ANKRD6: variants seen among roughly 807,000 people sequenced by gnomAD.
ANKRD6 encodes ankyrin repeat domain 6.
Under a neutral mutation model 82.3 loss-of-function variants are expected in ANKRD6, and 56 were observed. The ratio of observed to expected loss-of-function variants is 0.68; its 90% CI spans 0.55 to 0.85. The LOEUF (loss-of-function observed/expected upper bound fraction) is 0.85. Among genes scored for constraint, ANKRD6 ranks in the 40% least tolerant of loss-of-function variants. ANKRD6 has a pLI of 0.00. For missense variants in ANKRD6, 852 were observed against 907.6 expected (o/e 0.94, Z 0.79); for synonymous variants, 347 against 352.1 (o/e 0.99, Z 0.16).
intron 14 of ANKRD6, 129 bp downstream of exon 14, chr6:89,627,825 ATTTT>A: frequency 2.9e-6 from 2 of 680,466 alleles, no homozygotes; most frequent in Non-Finnish European, 4.9e-6. Context: ...ATAGTGTATC[ATTTT>A]TATGATACTG....
At chr6:89,625,242 C>T (rs943281676) in intron 13 of ANKRD6, among the ~76,000 whole-genome samples, 3 of 151,668 alleles carry the variant, frequency 2.0e-5, no homozygotes, top group African/African-American at 7.3e-5. Flanking sequence ...GAGATCATTC[C>T]AGTGCACTCC....
At chr6:89,455,211 A>C (rs915342165) in intron 1 of ANKRD6, among the ~76,000 whole-genome samples, 3 of 150,298 alleles carry the variant, frequency 2.0e-5, no homozygotes, top group African/African-American at 7.4e-5. Flanking sequence ...TTGCATTGCT[A>C]TACAGAAATA....
chr6:89,437,844 AGTGCAGTG>A (rs1770845268), intron 1 of ANKRD6, among the ~76,000 whole-genome samples: 1 of 152,158 alleles, frequency 6.6e-6, no homozygotes, highest in South Asian at 2.1e-4. Context: ...CCCAGGCTAG[AGTGCAGTG>A]GTGCAATTTC....
intron 13 of ANKRD6, among the ~76,000 whole-genome samples, chr6:89,626,349 C>T (rs1805675196): frequency 6.6e-6 from 1 of 152,184 alleles, no homozygotes; most frequent in South Asian, 2.1e-4. Context: ...TTCCAAATCA[C>T]CAAGAAAGGA....
At chr6:89,629,299 C>T in intron 15 of ANKRD6, 61 bp downstream of exon 15, 1 of 1,605,682 alleles carries the variant, frequency 6.2e-7, no homozygotes, top group Non-Finnish European at 8.5e-7. Flanking sequence ...CTCTTGTACT[C>T]TCCTGCACTG....
chr6:89,571,432 C>T (rs1000522450), intron 2 of ANKRD6, among the ~76,000 whole-genome samples: 1 of 152,010 alleles, frequency 6.6e-6, no homozygotes, highest in Admixed American at 6.6e-5. Context: ...TGCTTGTTTG[C>T]CATTTGTGTA....
At chr6:89,622,438 C>G (rs1803792072) in intron 10 of ANKRD6, among the ~76,000 whole-genome samples, 1 of 152,190 alleles carries the variant, frequency 6.6e-6, no homozygotes, top group Non-Finnish European at 1.5e-5. Context: ...ACCTCAAACC[C>G]ACAGGATCAG....
chr6:89,498,535 T>TA (rs1554221398), intron 1 of ANKRD6, among the ~76,000 whole-genome samples: 13 of 151,972 alleles, frequency 8.6e-5, no homozygotes, highest in African/African-American at 3.1e-4. Flanking sequence ...TATTTTTTTT[T>TA]ACCTTGTTTA....
intron 1 of ANKRD6, among the ~76,000 whole-genome samples, chr6:89,442,217 A>C (rs548041315): frequency 9.2e-5 from 14 of 151,958 alleles, no homozygotes; most frequent in Non-Finnish European, 1.5e-4. Context: ...GCTGGTCTCG[A>C]ACTCCTGGGC....
intron 3 of ANKRD6, among the ~76,000 whole-genome samples, chr6:89,596,643 T>C (rs1456994500): frequency 2.6e-5 from 4 of 152,142 alleles, no homozygotes; most frequent in African/African-American, 9.7e-5. Context: ...TCAGGTTATC[T>C]AGAGATGGAC....
intron 11 of ANKRD6, 75 bp downstream of exon 11, chr6:89,623,619 C>G: frequency 6.6e-7 from 1 of 1,513,780 alleles, no homozygotes. Flanking sequence ...GAGCGTCATG[C>G]CCATCAGCTA....
At chr6:89,619,428 G>C (rs1277860601) in intron 9 of ANKRD6, among the ~76,000 whole-genome samples, 1 of 152,114 alleles carries the variant, frequency 6.6e-6, no homozygotes, top group Admixed American at 6.5e-5. Flanking sequence ...AGGGTTGGAG[G>C]GTTCCCCAGG....
At chr6:89,486,365 A>G (rs574686201) in intron 1 of ANKRD6, among the ~76,000 whole-genome samples, 4 of 152,260 alleles carry the variant, frequency 2.6e-5, no homozygotes, top group Non-Finnish European at 1.5e-5. Flanking sequence ...AAATATATAT[A>G]CCATCTAGGT....
intron 1 of ANKRD6, among the ~76,000 whole-genome samples, chr6:89,540,553 A>T (rs1784336336): frequency 1.3e-5 from 2 of 152,150 alleles, no homozygotes; most frequent in Non-Finnish European, 2.9e-5. Flanking sequence ...TAGTTTGCAA[A>T]TATTTTCTTA....
At chr6:89,627,770 A>G (rs1343173872) in intron 14 of ANKRD6, 74 bp downstream of exon 14, 1 of 1,345,044 alleles carries the variant, frequency 7.4e-7, no homozygotes, top group East Asian at 2.4e-5. Context: ...CAGGCCTGCC[A>G]CTGAAAACTC....
At chr6:89,592,226 T>C (rs1192518179) in intron 2 of ANKRD6, among the ~76,000 whole-genome samples, 1 of 152,146 alleles carries the variant, frequency 6.6e-6, no homozygotes, top group African/African-American at 2.4e-5. Context: ...AATATCTCAC[T>C]GGTCTTTGCG....
In ANKRD6 at chr6:89,570,511, C is replaced by T. The variant is rs963031559; in HGVS notation, c.120+3415C>T. On this transcript the variant is annotated intron_variant, in intron 2 of 15. Coordinates refer to ENST00000339746, the MANE Select transcript of ANKRD6 (RefSeq NM_001242809.2). ...CCACCATCCATCTTCAGAAATTTTT[C>T]GTCTTCCCCAGCTGAAGCTCTATAC... Among the ~76,000 whole-genome samples the T allele has an allele frequency of 4.6e-5, 7 of 152,264 alleles. 1 individual carries two copies. The highest frequency in any genetic ancestry group is 3.4e-3 in the Middle Eastern group (1 of 294).
chr6:89,506,832 AC>A (rs931980217), intron 1 of ANKRD6, among the ~76,000 whole-genome samples: 7 of 152,176 alleles, frequency 4.6e-5, no homozygotes, highest in African/African-American at 1.7e-4. Flanking sequence ...GTAGTGTTTA[AC>A]CTTCTGTCCT....
At chr6:89,616,719 G>A in intron 8 of ANKRD6, 62 bp downstream of exon 8, 1 of 1,496,824 alleles carries the variant, frequency 6.7e-7, no homozygotes, top group East Asian at 2.3e-5. Flanking sequence ...AATGGGATGT[G>A]TACTAAACCC....
Sources: gnomAD v4.1 joint callset for allele counts (sites outside exome capture counted in the v4.1 genomes callset) on GRCh38, gnomAD v4.1.1 for gene constraint, MANE v1.5 for transcripts, NCBI Gene and HGNC (gene_info 2026-07-23, HGNC 2026-07-21) for gene names.